The following BOD1 variants were observed in gnomAD, a reference collection of about 807,000 sequenced individuals.
BOD1 encodes biorientation of chromosomes in cell division 1, also known as biorientation of chromosomes in cell division protein 1.
A neutral mutation model predicts 15.7 loss-of-function variants in BOD1; 11 were observed. That is an observed-to-expected ratio of 0.70 (90% CI 0.44 to 1.16). The LOEUF (loss-of-function observed/expected upper bound fraction) is 1.16, where lower values mean the gene tolerates loss of function less well. BOD1 is among the 50% of genes most tolerant of loss of function. The pLI is 0.00. For missense variants in BOD1, 182 were observed against 244.5 expected, an observed-to-expected ratio of 0.74 and a Z score of 1.70; for synonymous variants, 105 against 103.5, an observed-to-expected ratio of 1.01 and a Z score of -0.09.
intron 2 of BOD1, 25 bp from the exon 3 acceptor site, chr5:173,609,459 T>C (rs1755291344): frequency 1.2e-6 from 2 of 1,611,128 alleles, no homozygotes; most frequent in Non-Finnish European, 1.7e-6. Context: ...CAGATCATTC[T>C]GTTATTTAGT....
chr5:173,611,633 A>T (rs1755356882), intron 2 of BOD1, among the ~76,000 whole-genome samples: 1 of 152,180 alleles, frequency 6.6e-6, no homozygotes, highest in Non-Finnish European at 1.5e-5. Flanking sequence ...CGAAAGGAGG[A>T]AAGTACATCC....
At position 173,608,186 on chromosome 5, in the gene BOD1, T is replaced by G; in HGVS notation, c.*108A>C. 2,913 of 1,306,706 alleles carry G rather than the reference T, an allele frequency of 2.2e-3. No individual in the cohort carries two copies. Among genetic ancestry groups the G allele is most frequent in the Non-Finnish European group, 2.9e-3 (2,625 of 902,820 alleles). 80.9% of individuals were successfully genotyped at this position (1,306,706 alleles called of 1,614,324 possible). A position where few individuals can be genotyped will look rare whatever the true frequency, so the allele number is the denominator to read the frequency against. On this transcript the variant is annotated 3_prime_UTR_variant, in exon 4 of 4. Transcript: ENST00000311086. ...CTGCCCATGGTCAAGGTTGAAATCT[T>G]GAGATCAGTGACGACCTTGGCCTAT...
intron 1 of BOD1, among the ~76,000 whole-genome samples, chr5:173,615,113 T>C (rs888603219): frequency 1.3e-5 from 2 of 152,244 alleles, no homozygotes; most frequent in African/African-American, 4.8e-5. Flanking sequence ...GATGTATATG[T>C]ATTAAATTAC....
chr5:173,611,354 C>CT (rs907615118), intron 2 of BOD1, among the ~76,000 whole-genome samples: 28 of 152,328 alleles, frequency 1.8e-4, no homozygotes, highest in Admixed American at 1.1e-3. Flanking sequence ...CTCTGAAGGC[C>CT]TGCAGTGTCC....
intron 3 of BOD1, 36 bp downstream of exon 3, chr5:173,609,202 G>A (rs904132018): frequency 7.7e-6 from 11 of 1,431,594 alleles, no homozygotes; most frequent in Middle Eastern, 2.0e-4. Flanking sequence ...ACAAGCCAGA[G>A]ATGCATACTC....
intron 2 of BOD1, among the ~76,000 whole-genome samples, chr5:173,611,252 C>T (rs1411054183): frequency 6.6e-6 from 1 of 152,206 alleles, no homozygotes; most frequent in African/African-American, 2.4e-5. Flanking sequence ...TAATTCAGTG[C>T]AATAGCACAG....
At chr5:173,615,960 T>G (rs541393427) in intron 1 of BOD1, among the ~76,000 whole-genome samples, 1 of 152,194 alleles carries the variant, frequency 6.6e-6, no homozygotes, top group Non-Finnish European at 1.5e-5. Context: ...AAACCCACAT[T>G]GAAACCCCAA....
rs1371072157 is a variant in BOD1, at chr5:173,607,987, G to A, written c.*307C>T. Reference sequence around the variant, plus strand: ...CCTAAAGTCCATGTGCAGTCTCCATGTTCAAGTATAAAAGTCTGTTTCAGG... The same window carrying A: ...CCTAAAGTCCATGTGCAGTCTCCATATTCAAGTATAAAAGTCTGTTTCAGG... On this transcript the variant is annotated 3_prime_UTR_variant, in exon 4 of 4. Coordinates refer to ENST00000311086, the MANE Select transcript of BOD1 (RefSeq NM_138369.3). 9.3e-6 allele frequency: 4 copies of A among 429,240 alleles called. No homozygotes were observed. Among genetic ancestry groups the A allele is most frequent in the African/African-American group, 7.9e-5 (4 of 50,644 alleles). The allele number at this position is 429,240 out of a possible 1,614,324, so 26.6% of individuals were successfully genotyped here. A position where few individuals can be genotyped will look rare whatever the true frequency, so the allele number is the denominator to read the frequency against.
chr5:173,613,005 C>T, intron 2 of BOD1, 126 bp downstream of exon 2: 1 of 1,227,780 alleles, frequency 8.1e-7, no homozygotes, highest in Non-Finnish European at 1.1e-6. Flanking sequence ...GAGCAGACTG[C>T]TGCAACTCCT....
intron 2 of BOD1, among the ~76,000 whole-genome samples, chr5:173,612,808 ATCTTGG>A (rs1370605234): frequency 6.6e-6 from 1 of 152,230 alleles, no homozygotes; most frequent in African/African-American, 2.4e-5. Context: ...AAACCCTGAT[ATCTTGG>A]TATAAAACTC....
rs899208208 is a variant in BOD1, at chr5:173,616,595, G to A, written c.-159C>T. On this transcript the variant is annotated 5_prime_UTR_variant, in exon 1 of 4. Transcript: ENST00000311086. ...GGCGGCAGGGGCGGTGGTGGGGGCG[G>A]CGGCGGCGAAGGCCCCCTCTGATAC... is the stretch of plus-strand genomic sequence containing the variant. 1.5e-6 allele frequency: 2 copies of A among 1,353,902 alleles called. No homozygotes were observed. Among genetic ancestry groups the A allele is most frequent in the South Asian group, 1.8e-5 (1 of 56,720 alleles). 83.9% of individuals were successfully genotyped at this position (1,353,902 alleles called of 1,614,324 possible).
At chr5:173,612,751 A>C (rs1449008842) in intron 2 of BOD1, among the ~76,000 whole-genome samples, 1 of 152,246 alleles carries the variant, frequency 6.6e-6, no homozygotes, top group Non-Finnish European at 1.5e-5. Context: ...TATTTAGTTC[A>C]CATTCACCTG....
intron 2 of BOD1, among the ~76,000 whole-genome samples, chr5:173,612,874 T>C (rs1755391000): frequency 6.6e-6 from 1 of 152,202 alleles, no homozygotes; most frequent in Non-Finnish European, 1.5e-5. Flanking sequence ...GGAAAATGTC[T>C]CACGATTTGG....
At position 173,607,412 on chromosome 5, in the gene BOD1, T is replaced by C. The variant is rs1374558372; in HGVS notation, c.*882A>G. ...ACCTACTAGTTTCATAGTTCCAAGTTATATGTACCAATCTTCACTGCCAGT... is the reference window on the plus strand; with the variant it reads ...ACCTACTAGTTTCATAGTTCCAAGTCATATGTACCAATCTTCACTGCCAGT... On this transcript the variant is annotated 3_prime_UTR_variant, in exon 4 of 4. Coordinates refer to ENST00000311086, the MANE Select transcript of BOD1 (RefSeq NM_138369.3). 3 of 152,196 alleles carry C rather than the reference T, an allele frequency of 2.0e-5. No homozygotes were observed. Among genetic ancestry groups the C allele is most frequent in the Non-Finnish European group, 4.4e-5 (3 of 68,046 alleles). The allele number at this position is 152,196 out of a possible 1,614,324, so 9.4% of individuals were successfully genotyped here. A position where few individuals can be genotyped will look rare whatever the true frequency, so the allele number is the denominator to read the frequency against.
chr5:173,613,293 T>A (rs769605460), intron 1 of BOD1, 38 bp from the exon 2 acceptor site: 4 of 1,611,072 alleles, frequency 2.5e-6, no homozygotes, highest in Non-Finnish European at 3.4e-6. Flanking sequence ...TCAGAAGTTA[T>A]ATGCACCAAA....
Position 173,609,396 on chromosome 5 carries a change from G to A in BOD1, c.401C>T (p.Ser134Phe). Residue 134 changes from serine (S) to phenylalanine (F), a missense_variant, in exon 3 of 4, where the codon TCT becomes TTT. By Grantham distance (155) the Ser-to-Phe change is radical. Around this residue, in one of 3 missense-constraint regions of BOD1, gnomAD observed 70 missense variants for 130.3 expected, o/e 0.54. Coordinates refer to ENST00000311086, the MANE Select transcript of BOD1 (RefSeq NM_138369.3). ...MLEAGVDRII[S>F]QVVDPKLNHI... The stretch of plus-strand genomic sequence containing the variant: ...GTTAAGTTTTGGATCCACCACCTGA[G>A]AAATAATCCTGTCTACTCCAGCTTC... 6.2e-7 allele frequency: 1 copy of A among 1,614,220 alleles called. No homozygotes were observed. Among genetic ancestry groups the A allele is most frequent in the South Asian group, 1.1e-5 (1 of 91,080 alleles).
chr5:173,614,369 A>G (rs536252712), intron 1 of BOD1, among the ~76,000 whole-genome samples: 1 of 152,360 alleles, frequency 6.6e-6, no homozygotes, highest in East Asian at 1.9e-4. Flanking sequence ...CAAAACACGT[A>G]ACAAACCCAG....
Position 173,608,101 on chromosome 5 carries a change from G to T in BOD1, c.*193C>A. 4.1e-6 allele frequency: 2 copies of T among 482,324 alleles called. No homozygotes were observed. Among genetic ancestry groups the T allele is most frequent in the Non-Finnish European group, 3.7e-6 (1 of 268,884 alleles). 29.9% of individuals were successfully genotyped at this position (482,324 alleles called of 1,614,324 possible). A position where few individuals can be genotyped will look rare whatever the true frequency, so the allele number is the denominator to read the frequency against. ...CAGGCTGGCCAAATGGCAGCACAAT[G>T]CAGGGGGTGACACGGTCAACTCTCC... On this transcript the variant is annotated 3_prime_UTR_variant, in exon 4 of 4. Transcript: ENST00000311086.
At chr5:173,613,934 A>C (rs1021770884) in intron 1 of BOD1, among the ~76,000 whole-genome samples, 1 of 152,208 alleles carries the variant, frequency 6.6e-6, no homozygotes, top group South Asian at 2.1e-4. Context: ...GTGCCACAGG[A>C]GTGGGTGCCT....
Sources: allele counts gnomAD v4.1 joint callset (sites outside exome capture counted in the v4.1 genomes callset), GRCh38; gene constraint gnomAD v4.1.1; regional missense constraint gnomAD v4.1.1; transcripts MANE v1.5; gene names NCBI Gene and HGNC (gene_info 2026-07-23, HGNC 2026-07-21).